ATG7: variants seen among roughly 807,000 people sequenced by gnomAD.
ATG7 encodes autophagy related 7.
ATG7 carries 70 observed loss-of-function variants against 82.4 expected under a neutral mutation model. The ratio of observed to expected loss-of-function variants is 0.85; its 90% CI spans 0.70 to 1.04. The LOEUF (loss-of-function observed/expected upper bound fraction) is 1.04. Ranked by LOEUF, ATG7 falls within the 50% of genes least tolerant of loss-of-function variation. ATG7 has a pLI of 0.00. For synonymous variants in ATG7, 287 were observed against 313.0 expected (o/e 0.92, Z 0.88); for missense variants, 792 against 864.3 (o/e 0.92, Z 1.05).
At position 11,293,685 on chromosome 3, in the gene ATG7, A is replaced by G. The variant is rs182215583; in HGVS notation, c.-10-5001A>G. The stretch of plus-strand genomic sequence containing the variant: ...CAATGTAGCGAAACCTGTCTCTACT[A>G]AAAAATACAAAACATTAGGGCCAGG... On this transcript the variant is annotated intron_variant, in intron 3 of 20. Coordinates refer to ENST00000693202, the MANE Select transcript of ATG7 (RefSeq NM_001349232.2). Among the ~76,000 whole-genome samples, 875 of 151,186 alleles carry G rather than the reference A, an allele frequency of 5.8e-3. 35 individuals carry two copies. The highest frequency in any genetic ancestry group is 7.2e-4 in the Non-Finnish European group (49 of 67,716).
intron 9 of ATG7, among the ~76,000 whole-genome samples, chr3:11,323,924 T>G (rs570812110): frequency 6.6e-6 from 1 of 152,360 alleles, no homozygotes; most frequent in South Asian, 2.1e-4. Flanking sequence ...TAGATTAGCA[T>G]GTTTTATGGG....
chr3:11,520,400 G>C (rs900145001), intron 20 of ATG7, among the ~76,000 whole-genome samples: 1 of 152,184 alleles, frequency 6.6e-6, no homozygotes, highest in Non-Finnish European at 1.5e-5. Flanking sequence ...CTCCTATTTT[G>C]AGGGATATTT....
chr3:11,347,572 A>T (rs899558721), intron 13 of ATG7, among the ~76,000 whole-genome samples: 1 of 152,208 alleles, frequency 6.6e-6, no homozygotes, highest in Non-Finnish European at 1.5e-5. Flanking sequence ...AACATAGACA[A>T]TTCTTATGGG....
At chr3:11,328,729 A>T (rs539334268) in intron 9 of ATG7, among the ~76,000 whole-genome samples, 1 of 152,376 alleles carries the variant, frequency 6.6e-6, no homozygotes, top group Non-Finnish European at 1.5e-5. Flanking sequence ...TTCAGCCATT[A>T]CTCACAATGG....
intron 20 of ATG7, among the ~76,000 whole-genome samples, chr3:11,495,136 A>G (rs80135182): frequency 2.0e-5 from 3 of 152,230 alleles, no homozygotes; most frequent in Non-Finnish European, 2.9e-5. Flanking sequence ...CTGACAGTCT[A>G]TGACTGCTTA....
At chr3:11,558,340 C>T (rs571668361), downstream of ATG7, 10 of 714,266 alleles carry the variant, frequency 1.4e-5, no homozygotes, top group African/African-American at 3.6e-5. Context: ...AGATGTTCCA[C>T]GCGTAGTTCC....
At chr3:11,317,204 G>C (rs1358838147) in intron 9 of ATG7, among the ~76,000 whole-genome samples, 1 of 152,056 alleles carries the variant, frequency 6.6e-6, no homozygotes, top group Non-Finnish European at 1.5e-5. Flanking sequence ...TTTCCCCCAG[G>C]TGATTTCACA....
intron 20 of ATG7, among the ~76,000 whole-genome samples, chr3:11,463,506 C>T (rs1399022931): frequency 6.6e-6 from 1 of 152,188 alleles, no homozygotes; most frequent in East Asian, 1.9e-4. Context: ...CAATTCATGT[C>T]AGCCCTTCCC....
chr3:11,539,784 G>A (rs1433675483), intron 20 of ATG7, among the ~76,000 whole-genome samples: 3 of 152,194 alleles, frequency 2.0e-5, no homozygotes, highest in Non-Finnish European at 4.4e-5. Flanking sequence ...TCTGAGCTTT[G>A]AGAAACGTAC....
At chr3:11,457,747 G>A (rs891259473) in intron 20 of ATG7, among the ~76,000 whole-genome samples, 4 of 152,150 alleles carry the variant, frequency 2.6e-5, no homozygotes, top group Non-Finnish European at 5.9e-5. Context: ...AAGGATTGCT[G>A]AGGCCAGTTA....
intron 20 of ATG7, among the ~76,000 whole-genome samples, chr3:11,516,401 T>C (rs2092284540): frequency 6.6e-6 from 1 of 151,704 alleles, no homozygotes; most frequent in South Asian, 2.1e-4. Context: ...CTAGATACCA[T>C]GTAAACACCT....
At chr3:11,277,634 C>T (rs756983937) in intron 1 of ATG7, among the ~76,000 whole-genome samples, 3 of 152,172 alleles carry the variant, frequency 2.0e-5, no homozygotes, top group Non-Finnish European at 2.9e-5. Context: ...AGATCACATG[C>T]TTCTGAGGAA....
At chr3:11,479,000 ACACACACACACACACAC>A (rs2088600800) in intron 20 of ATG7, among the ~76,000 whole-genome samples, 8 of 150,350 alleles carry the variant, frequency 5.3e-5, no homozygotes, top group South Asian at 2.1e-4. Flanking sequence ...ACACACACAC[ACACACACACACACACAC>A]ACACACACAC....
intron 20 of ATG7, among the ~76,000 whole-genome samples, chr3:11,445,413 T>G (rs1031636376): frequency 6.6e-6 from 1 of 152,174 alleles, no homozygotes; most frequent in African/African-American, 2.4e-5. Context: ...GCCTTTATCC[T>G]TACAAACTCA....
chr3:11,564,819 A>G, the ATG7 span: 2 of 1,580,510 alleles, frequency 1.3e-6, no homozygotes, highest in South Asian at 1.1e-5. Context: ...CCCCGGGGTC[A>G]GTGTGGGCGA....
In ATG7 at chr3:11,556,817, G is replaced by A. The variant is rs1490499430; in HGVS notation, c.*1974G>A. 1 of 152,704 alleles carries A rather than the reference G, an allele frequency of 6.5e-6. No homozygotes were observed. Among genetic ancestry groups the A allele is most frequent in the Non-Finnish European group, 1.5e-5 (1 of 68,024 alleles). 9.5% of individuals were successfully genotyped at this position (152,704 alleles called of 1,614,324 possible). A position where few individuals can be genotyped will look rare whatever the true frequency, so the allele number is the denominator to read the frequency against. ...AACGATTTTTCCTACAGAAAATATA[G>A]GGGCCTGAATGCCAAAGCTTGGAAG... On this transcript the variant is annotated 3_prime_UTR_variant, in exon 21 of 21. Coordinates refer to ENST00000693202, the MANE Select transcript of ATG7 (RefSeq NM_001349232.2).
chr3:11,448,865 C>T (rs2152981424), intron 20 of ATG7, among the ~76,000 whole-genome samples: 1 of 152,256 alleles, frequency 6.6e-6, no homozygotes, highest in South Asian at 2.1e-4. Flanking sequence ...GAATCCAAGG[C>T]AGGCCCTGGG....
At chr3:11,559,586 A>G, downstream of ATG7, 1 of 1,323,436 alleles carries the variant, frequency 7.6e-7, no homozygotes, top group African/African-American at 1.5e-5. Flanking sequence ...CTCCCACTTC[A>G]ATACTGGAGT....
At chr3:11,321,191 G>C (rs1950169774) in intron 9 of ATG7, among the ~76,000 whole-genome samples, 1 of 152,218 alleles carries the variant, frequency 6.6e-6, no homozygotes, top group Non-Finnish European at 1.5e-5. Context: ...CTTGGAGGAA[G>C]ATGAAGGAAA....
Sources: allele counts gnomAD v4.1 joint callset (sites outside exome capture counted in the v4.1 genomes callset), GRCh38; gene constraint gnomAD v4.1.1; transcripts MANE v1.5; gene names NCBI Gene and HGNC (gene_info 2026-07-23, HGNC 2026-07-21).